ALPK2: variants seen among roughly 807,000 people sequenced by gnomAD.
The protein encoded by ALPK2 is alpha-protein kinase 2.
A neutral mutation model predicts 163.1 loss-of-function variants in ALPK2; 127 were observed. That is an observed-to-expected ratio of 0.78 (90% CI 0.67 to 0.90). The LOEUF (loss-of-function observed/expected upper bound fraction) is 0.90. ALPK2 is among the 40% of genes least tolerant of loss of function. ALPK2 has a pLI of 0.00. For missense variants in ALPK2, 2,360 were observed against 2,589.6 expected (o/e 0.91, Z 1.92); for synonymous variants, 953 against 959.1 (o/e 0.99, Z 0.12).
rs3826593 is a variant in ALPK2, at chr18:58,537,515, G to A, written c.2672C>T (p.Thr891Ile). Residue 891 changes from threonine to isoleucine, a missense_variant, in exon 5 of 13, where the codon ACC (threonine) becomes ATC (isoleucine). Transcript: ENST00000361673. ...DGNSVMSPLFTSTFTLNISHT... is the reference protein window; with the variant it reads ...DGNSVMSPLFISTFTLNISHT... ...TGAAATGTTCAAGGTGAAAGTACTG[G>A]TAAAAAGAGGGGACATGACTGAGTT... 0.91 allele frequency: 1,468,374 copies of A among 1,612,938 alleles called. 671,860 individuals are homozygous for A. Among genetic ancestry groups the A allele is most frequent in the Non-Finnish European group, 0.94 (1,104,002 of 1,179,218 alleles).
chr18:58,501,842 CCAAGT>C (rs2051432724), intron 11 of ALPK2, among the ~76,000 whole-genome samples: 1 of 151,998 alleles, frequency 6.6e-6, no homozygotes, highest in Admixed American at 6.5e-5. Flanking sequence ...CTGATGAAAT[CCAAGT>C]CAAGTTTCTA....
intron 3 of ALPK2, among the ~76,000 whole-genome samples, chr18:58,584,352 G>A (rs768192629): frequency 2.0e-5 from 3 of 152,178 alleles, no homozygotes; most frequent in African/African-American, 7.2e-5. Flanking sequence ...CATCTGCTGG[G>A]TGACTCCTAC....
At chr18:58,578,720 A>C in intron 4 of ALPK2, 94 bp downstream of exon 4, 1 of 1,002,660 alleles carries the variant, frequency 1.0e-6, no homozygotes, top group Non-Finnish European at 1.4e-6. Flanking sequence ...TGTGAATGTG[A>C]AGTAAAGGAA....
At chr18:58,580,904 C>A in intron 3 of ALPK2, 1 of 192,092 alleles carries the variant, frequency 5.2e-6, no homozygotes, top group East Asian at 1.3e-4. Flanking sequence ...ATTGCCCACC[C>A]CTTTCTTGGA....
chr18:58,488,031 G>C (rs2051349249), intron 12 of ALPK2, among the ~76,000 whole-genome samples: 1 of 152,012 alleles, frequency 6.6e-6, no homozygotes, highest in African/African-American at 2.4e-5. Flanking sequence ...TTTCTACCAG[G>C]CTCTGGGGGG....
At chr18:58,612,713 C>T (rs780146531) in intron 1 of ALPK2, among the ~76,000 whole-genome samples, 85 of 152,326 alleles carry the variant, frequency 5.6e-4, no homozygotes, top group Non-Finnish European at 1.1e-3. Flanking sequence ...GCAGGTTGGT[C>T]TGAATCCAGA....
chr18:58,560,119 G>A (rs35966076), intron 4 of ALPK2, among the ~76,000 whole-genome samples: 21,731 of 152,114 alleles, frequency 0.14, 1,811 homozygotes, highest in African/African-American at 0.22. Context: ...CACATGTCAT[G>A]GGAGGGACCC....
At position 58,481,834 on chromosome 18, in the gene ALPK2, T is replaced by C; in HGVS notation, c.6502A>G (p.Lys2168Glu). 4.3e-6 allele frequency: 7 copies of C among 1,613,920 alleles called. No homozygotes were observed. Among genetic ancestry groups the C allele is most frequent in the Non-Finnish European group, 5.9e-6 (7 of 1,179,926 alleles). The change falls in exon 13 of 13, where the codon AAG becomes GAG. Residue 2168 changes from lysine to glutamate, a missense_variant. Transcript: ENST00000361673. ...KKAGPETPGE[K>E]KT is the part of the protein sequence containing the mutation. ...GTTACCCAGGGACGTTAGGTTTTCT[T>C]TTCGCCTGGGGTCTCAGGCCCTGCC...
At chr18:58,580,789 A>C in intron 3 of ALPK2, 2 of 524,498 alleles carry the variant, frequency 3.8e-6, no homozygotes, top group East Asian at 3.3e-5. Flanking sequence ...GCTGCCTCAA[A>C]TGGAAAATGC....
At chr18:58,539,299 T>C (rs1233134533) in intron 4 of ALPK2, among the ~76,000 whole-genome samples, 2 of 151,266 alleles carry the variant, frequency 1.3e-5, no homozygotes, top group African/African-American at 2.4e-5. Context: ...CTACAGGAAA[T>C]AGAAGATTCA....
chr18:58,505,438 A>G (rs1029722150), intron 10 of ALPK2, among the ~76,000 whole-genome samples: 2 of 152,012 alleles, frequency 1.3e-5, no homozygotes, highest in Non-Finnish European at 2.9e-5. Context: ...GTGCCCACAC[A>G]CTGCGCCCTC....
intron 3 of ALPK2, among the ~76,000 whole-genome samples, chr18:58,593,632 C>G (rs910823459): frequency 4.7e-5 from 7 of 148,472 alleles, no homozygotes; most frequent in African/African-American, 1.5e-4. Flanking sequence ...AATCCCAGCA[C>G]TTTGGGAGGC....
intron 1 of ALPK2, among the ~76,000 whole-genome samples, chr18:58,626,012 A>T (rs186013536): frequency 6.6e-6 from 1 of 152,224 alleles, no homozygotes; most frequent in Admixed American, 6.5e-5. Context: ...AGATGACGTG[A>T]TTACGTTCTC....
chr18:58,499,395 G>A (rs937927934), intron 11 of ALPK2, among the ~76,000 whole-genome samples: 2 of 152,158 alleles, frequency 1.3e-5, no homozygotes, highest in Admixed American at 1.3e-4. Flanking sequence ...CTTCTGTAGT[G>A]GAAAGAGCCA....
chr18:58,483,724 G>GAAT (rs2051323748), intron 12 of ALPK2, among the ~76,000 whole-genome samples: 1 of 113,052 alleles, frequency 8.8e-6, no homozygotes, highest in African/African-American at 4.2e-5. Context: ...CTAATTTTTT[G>GAAT]TATTTTTTTT....
chr18:58,522,198 G>A (rs2051558413), intron 8 of ALPK2, among the ~76,000 whole-genome samples: 1 of 152,184 alleles, frequency 6.6e-6, no homozygotes, highest in South Asian at 2.1e-4. Context: ...GGTATGTGGA[G>A]CTGGCCTTCT....
chr18:58,609,944 AG>A (rs1469286340), intron 2 of ALPK2, among the ~76,000 whole-genome samples: 1 of 152,126 alleles, frequency 6.6e-6, no homozygotes, highest in Non-Finnish European at 1.5e-5. Flanking sequence ...GGGCTTGGAG[AG>A]GCTGAGCGCA....
intron 11 of ALPK2, 70 bp downstream of exon 11, chr18:58,503,861 C>G (rs1318659509): frequency 1.4e-6 from 2 of 1,446,864 alleles, no homozygotes; most frequent in African/African-American, 1.4e-5. Flanking sequence ...TCCCTCCCCT[C>G]CCTCTCCACC....
rs182396454 is a variant in ALPK2 at position 58,517,705 on chromosome 18, T to A, written c.5666-523A>T. Among the ~76,000 whole-genome samples the A allele has an allele frequency of 4.4e-3, 669 of 152,300 alleles. 13 individuals carry two copies. The highest frequency in any genetic ancestry group is 0.04 in the Admixed American group (613 of 15,298). On this transcript the variant is annotated intron_variant, in intron 8 of 12. Coordinates refer to ENST00000361673, the MANE Select transcript of ALPK2 (RefSeq NM_052947.4). ...GTACCATATGTATATTTGTTCTTTATACAGAAAAAGAGTAACTTTTTTTTT... is the reference window on the plus strand; with the variant it reads ...GTACCATATGTATATTTGTTCTTTAAACAGAAAAAGAGTAACTTTTTTTTT...
Sources: allele counts gnomAD v4.1 joint callset (sites outside exome capture counted in the v4.1 genomes callset), GRCh38; gene constraint gnomAD v4.1.1; transcripts MANE v1.5; gene names NCBI Gene and HGNC (gene_info 2026-07-23, HGNC 2026-07-21).